DRC8: variants seen among roughly 807,000 people sequenced by gnomAD.
The protein encoded by DRC8 is dynein regulatory complex subunit 8.
At chr1:245,025,187 A>T in the DRC8 span, among the ~76,000 whole-genome samples, 1 of 152,246 alleles carries the variant, frequency 6.6e-6, no homozygotes, top group Admixed American at 6.5e-5. Flanking sequence ...GGGACAAAAT[A>T]CACCCACAAG....
chr1:245,103,122 A>C, the DRC8 span, among the ~76,000 whole-genome samples: 6 of 144,724 alleles, frequency 4.1e-5, no homozygotes, highest in Non-Finnish European at 9.0e-5. Context: ...CAGAGAGGCC[A>C]AGCATTGTTT....
the DRC8 span, among the ~76,000 whole-genome samples, chr1:245,113,884 C>T: frequency 2.6e-4 from 39 of 152,200 alleles, 3 homozygotes; most frequent in East Asian, 6.8e-3. Context: ...CAAGTGATGA[C>T]GTGGGGCTCC....
chr1:245,071,433 A>G, the DRC8 span, among the ~76,000 whole-genome samples: 1 of 152,352 alleles, frequency 6.6e-6, no homozygotes, highest in South Asian at 2.1e-4. Context: ...GGGATGAGGT[A>G]TTGGAATCCG....
At chr1:245,006,890 C>T in the DRC8 span, among the ~76,000 whole-genome samples, 7 of 151,872 alleles carry the variant, frequency 4.6e-5, no homozygotes, top group East Asian at 1.9e-4. Context: ...TCTGGGATTG[C>T]GCCAGTGAAT....
chr1:245,111,585 C>T, the DRC8 span, among the ~76,000 whole-genome samples: 1 of 152,188 alleles, frequency 6.6e-6, no homozygotes, highest in South Asian at 2.1e-4. Flanking sequence ...CTTTCTTTGT[C>T]TGTCTTCTCT....
the DRC8 span, among the ~76,000 whole-genome samples, chr1:245,062,132 C>G: frequency 6.6e-6 from 1 of 151,978 alleles, no homozygotes; most frequent in Admixed American, 6.6e-5. Context: ...AAAAAATAGT[C>G]CTATAAAAAG....
the DRC8 span, chr1:244,970,659 TCTCTCCCC>T: frequency 2.8e-5 from 1 of 35,354 alleles, no homozygotes. Context: ...CCGCCCCGCC[TCTCTCCCC>T]CGCCCCGCCC....
the DRC8 span, among the ~76,000 whole-genome samples, chr1:245,071,178 A>G: frequency 6.6e-6 from 1 of 152,208 alleles, no homozygotes; most frequent in African/African-American, 2.4e-5. Context: ...TTCTATAACA[A>G]ATACCTGACA....
chr1:245,099,176 C>T, the DRC8 span, among the ~76,000 whole-genome samples: 3 of 152,118 alleles, frequency 2.0e-5, no homozygotes, highest in Non-Finnish European at 4.4e-5. Flanking sequence ...AAACTGGCTC[C>T]GTCACCTACA....
the DRC8 span, among the ~76,000 whole-genome samples, chr1:245,006,351 T>A: frequency 1.3e-5 from 2 of 151,966 alleles, no homozygotes; most frequent in Non-Finnish European, 2.9e-5. Flanking sequence ...TCGCTCTGCC[T>A]CCCAGCCTGG....
chr1:245,066,873 C>T, the DRC8 span, among the ~76,000 whole-genome samples: 562 of 152,032 alleles, frequency 3.7e-3, 14 homozygotes, highest in Non-Finnish European at 8.8e-4. Context: ...CGCCAGTGCA[C>T]TCCAGCCTGG....
At chr1:245,122,635 T>C in the DRC8 span, 1 of 152,186 alleles carries the variant, frequency 6.6e-6, no homozygotes, top group Non-Finnish European at 1.5e-5. Context: ...ATGTTTTTTT[T>C]TATTTTTTGT....
chr1:245,087,452 G>T, the DRC8 span: 1 of 1,459,072 alleles, frequency 6.9e-7, no homozygotes. Context: ...TCCTATATGT[G>T]ATATTTAATA....
the DRC8 span, among the ~76,000 whole-genome samples, chr1:245,104,350 A>G: frequency 5.7e-3 from 868 of 152,166 alleles, 15 homozygotes; most frequent in African/African-American, 0.02. Flanking sequence ...CTAAAAATAC[A>G]AAGAGCAGCC....
chr1:245,025,924 C>T, the DRC8 span, among the ~76,000 whole-genome samples: 1 of 152,166 alleles, frequency 6.6e-6, no homozygotes, highest in Non-Finnish European at 1.5e-5. Flanking sequence ...ATTGTGAGGC[C>T]TCCCCAGCCA....
At chr1:244,998,606 T>C in the DRC8 span, among the ~76,000 whole-genome samples, 1 of 152,066 alleles carries the variant, frequency 6.6e-6, no homozygotes, top group African/African-American at 2.4e-5. Context: ...ATGGCTAATA[T>C]CAAACGATTC....
chr1:245,105,921 T>C, the DRC8 span, among the ~76,000 whole-genome samples: 1 of 151,888 alleles, frequency 6.6e-6, no homozygotes, highest in Admixed American at 6.6e-5. Context: ...TACAAAAATT[T>C]TTAAAAAATT....
At chr1:244,985,865 A>G in the DRC8 span, among the ~76,000 whole-genome samples, 1 of 26,452 alleles carries the variant, frequency 3.8e-5, no homozygotes, top group Admixed American at 4.7e-4. Flanking sequence ...CTCCATCTCA[A>G]AAAAAAAAAA....
chr1:245,049,584 A>T, the DRC8 span, among the ~76,000 whole-genome samples: 194 of 151,650 alleles, frequency 1.3e-3, 2 homozygotes, highest in African/African-American at 4.5e-3. This position sits in a 1 kb window ranked among gnomAD's most constrained non-coding sequence, Gnocchi z 4.5. Context: ...ATCCTAGACT[A>T]AAAAAAAACT....
Sources: allele counts gnomAD v4.1 joint callset (sites outside exome capture counted in the v4.1 genomes callset), GRCh38; gene constraint gnomAD v4.1.1; non-coding constraint Gnocchi (gnomAD v3.1); transcripts MANE v1.5; gene names NCBI Gene and HGNC (gene_info 2026-07-23, HGNC 2026-07-21).